The following ING2 variants were observed in gnomAD, a reference collection of about 807,000 sequenced individuals.
ING2 encodes the protein inhibitor of growth family member 2.
Under a neutral mutation model 30.6 loss-of-function variants are expected in ING2, and 7 were observed. The ratio of observed to expected loss-of-function variants is 0.23; its 90% CI spans 0.13 to 0.43. The LOEUF (loss-of-function observed/expected upper bound fraction) is 0.43. Ranked by LOEUF, ING2 falls within the 20% of genes least tolerant of loss-of-function variation. ING2 has a pLI of 1.00. For synonymous variants in ING2, 136 were observed against 121.7 expected (o/e 1.12, Z -0.78); for missense variants, 239 against 334.9 (o/e 0.71, Z 2.24).
In ING2 at chr4:183,511,108, A is replaced by T; in HGVS notation, c.*156A>T. ...GTTGTTGTACTTTGTCTGTGACCTT[A>T]ATTTTCTGCACTGAGTTACCAAATA... On this transcript the variant is annotated 3_prime_UTR_variant, in exon 2 of 2. Transcript: ENST00000302327. 6.7e-6 allele frequency: 4 copies of T among 598,992 alleles called. No individual in the cohort carries two copies. The South Asian group carries it at 1.1e-4, about 16-fold the overall frequency. 37.1% of individuals were successfully genotyped at this position (598,992 alleles called of 1,614,324 possible).
chr4:183,510,588 G>A lies in ING2; in HGVS notation c.479G>A (p.Ser160Asn), dbSNP rs893056149. The change falls in exon 2 of 2, where the codon AGC becomes AAC. Residue 160 changes from serine to asparagine, a missense_variant. Coordinates refer to ENST00000302327, the MANE Select transcript of ING2 (RefSeq NM_001564.4). ...RRPRRQRTSE[S>N]RDLCHMANGI... Reference sequence around the variant, plus strand: ...CCCCGCAGGCAGCGGACCAGTGAAAGCCGTGATTTATGTCACATGGCAAAT... The same window carrying A: ...CCCCGCAGGCAGCGGACCAGTGAAAACCGTGATTTATGTCACATGGCAAAT... 26 of 1,613,956 alleles carry A rather than the reference G, an allele frequency of 1.6e-5. No individual in the cohort carries two copies. The highest frequency in any genetic ancestry group is 5.0e-5 in the Admixed American group (3 of 60,002).
intron 1 of ING2, among the ~76,000 whole-genome samples, chr4:183,508,944 C>G (rs911529811): frequency 6.6e-6 from 1 of 152,122 alleles, no homozygotes; most frequent in Admixed American, 6.5e-5. Context: ...ACAACTAAAT[C>G]AGCAGTTCAG....
intron 1 of ING2, among the ~76,000 whole-genome samples, chr4:183,509,857 C>G (rs896908161): frequency 6.6e-6 from 1 of 151,588 alleles, no homozygotes; most frequent in African/African-American, 2.4e-5. Context: ...CTCAGCCTCC[C>G]AAGTAGCTGA....
chr4:183,506,214 A>G (rs2111084900), intron 1 of ING2: 2 of 1,303,750 alleles, frequency 1.5e-6, no homozygotes, highest in Non-Finnish European at 2.0e-6. Context: ...CGGAGTCCGA[A>G]TCGGGGTTTG....
chr4:183,510,629 G>A lies in ING2; in HGVS notation c.520G>A (p.Asp174Asn), dbSNP rs748803975. 6.2e-7 allele frequency: 1 copy of A among 1,614,136 alleles called. No individual in the cohort carries two copies. Among genetic ancestry groups the A allele is most frequent in the Non-Finnish European group, 8.5e-7 (1 of 1,180,016 alleles). ...CATGGCAAATGGGATTGAAGACTGT[G>A]ATGATCAGCCACCTAAAGAAAAGAA... ...CHMANGIEDC[D>N]DQPPKEKKSK... is the part of the protein sequence containing the mutation. The change falls in exon 2 of 2, where the codon GAT (aspartate) becomes AAT (asparagine). Residue 174 changes from aspartate to asparagine, a missense_variant. Physicochemically the swap from Asp to Asn is conservative, Grantham distance 23. This residue lies in a region of ING2 where 115 missense variants were observed against 120.1 expected (regional missense o/e 0.96). Transcript: ENST00000302327.
chr4:183,509,343 G>A (rs570011436), intron 1 of ING2, among the ~76,000 whole-genome samples: 1 of 152,144 alleles, frequency 6.6e-6, no homozygotes, highest in Non-Finnish European at 1.5e-5. Context: ...TTTATATATA[G>A]GGTTGTTTTG....
chr4:183,505,136 C>G lies in ING2; in HGVS notation c.-60C>G. On this transcript the variant is annotated 5_prime_UTR_variant, in exon 1 of 2. Coordinates refer to ENST00000302327, the MANE Select transcript of ING2 (RefSeq NM_001564.4). ...CTGAGCTGAGGGCCCGCGGCGGCCG[C>G]GGCCGGTGCATGTGCGGCTGCTGGA... 6.7e-7 allele frequency: 1 copy of G among 1,484,578 alleles called. No individual in the cohort carries two copies. 92.0% of individuals were successfully genotyped at this position (1,484,578 alleles called of 1,614,324 possible). A position where few individuals can be genotyped will look rare whatever the true frequency, so the allele number is the denominator to read the frequency against.
chr4:183,505,377 G>A lies in ING2; in HGVS notation c.172+10G>A, dbSNP rs1734609932. On this transcript the variant is annotated intron_variant, in intron 1 of 1. Coordinates refer to ENST00000302327, the MANE Select transcript of ING2 (RefSeq NM_001564.4). ...GACAACAAATATCAAGGTAGGAGCC[G>A]CGGGGCTGCCGGCCTCGGGAGCCGG... The A allele has an allele frequency of 4.6e-6, 7 of 1,518,466 alleles. No homozygotes were observed. In the African/African-American group the frequency reaches 8.5e-5, roughly 18 times the overall value. 94.1% of individuals were successfully genotyped at this position (1,518,466 alleles called of 1,614,324 possible).
In ING2 at chr4:183,505,369, TA is replaced by T. The variant is rs750041352; in HGVS notation, c.172+3del. 13 of 1,530,914 alleles carry T rather than the reference TA, an allele frequency of 8.5e-6. No homozygotes were observed. The highest frequency in any genetic ancestry group is 1.1e-5 in the Non-Finnish European group (12 of 1,137,518). 94.8% of individuals were successfully genotyped at this position (1,530,914 alleles called of 1,614,324 possible). Reference sequence around the variant, plus strand: ...GAGAGCTGGACAACAAATATCAAGGTAGGAGCCGCGGGGCTGCCGGCCTCGG... The same window carrying T: ...GAGAGCTGGACAACAAATATCAAGGTGGAGCCGCGGGGCTGCCGGCCTCGG... On this transcript the variant is annotated splice_donor_region_variant and intron_variant, in intron 1 of 1. Transcript: ENST00000302327.
chr4:183,511,106 T>C lies in ING2; in HGVS notation c.*154T>C. On this transcript the variant is annotated 3_prime_UTR_variant, in exon 2 of 2. Coordinates refer to ENST00000302327, the MANE Select transcript of ING2 (RefSeq NM_001564.4). ...AAGTTGTTGTACTTTGTCTGTGACC[T>C]TAATTTTCTGCACTGAGTTACCAAA... The C allele has an allele frequency of 1.6e-6, 1 of 615,570 alleles. No homozygotes were observed. Among genetic ancestry groups the C allele is most frequent in the Non-Finnish European group, 2.6e-6 (1 of 377,868 alleles). The allele number at this position is 615,570 out of a possible 1,614,324, so 38.1% of individuals were successfully genotyped here. A position where few individuals can be genotyped will look rare whatever the true frequency, so the allele number is the denominator to read the frequency against.
In ING2 at chr4:183,505,090, G is replaced by A. The variant is rs1734600198; in HGVS notation, c.-106G>A. On this transcript the variant is annotated 5_prime_UTR_variant, in exon 1 of 2. Coordinates refer to ENST00000302327, the MANE Select transcript of ING2 (RefSeq NM_001564.4). ...GCCGTGCCCTCTCGAGCGGCTGCGG[G>A]GTCCCCGCGGCGCCGGGCTGCTGAG... is the stretch of plus-strand genomic sequence containing the variant. 8.8e-7 allele frequency: 1 copy of A among 1,136,602 alleles called. No homozygotes were observed. The highest frequency in any genetic ancestry group is 3.4e-5 in the East Asian group (1 of 29,028). 70.4% of individuals were successfully genotyped at this position (1,136,602 alleles called of 1,614,324 possible).
In ING2 at chr4:183,511,393, C is replaced by T. The variant is rs1734818097; in HGVS notation, c.*441C>T. Among the ~76,000 whole-genome samples the T allele has an allele frequency of 6.6e-6, 1 of 152,206 alleles. No individual in the cohort carries two copies. Reference sequence around the variant, plus strand: ...AAATACAGACACTATGCCATTTGAGCTGCTTTTTCCCTAGTCCTATTTATA... The same window carrying T: ...AAATACAGACACTATGCCATTTGAGTTGCTTTTTCCCTAGTCCTATTTATA... On this transcript the variant is annotated 3_prime_UTR_variant, in exon 2 of 2. Transcript: ENST00000302327.
chr4:183,506,686 G>A (rs72689382), intron 1 of ING2, among the ~76,000 whole-genome samples: 4,629 of 152,108 alleles, frequency 0.03, 138 homozygotes, highest in East Asian at 0.16. Flanking sequence ...AAGTCTCTAA[G>A]GAATCCACTT....
chr4:183,508,445 A>G (rs1052226936), intron 1 of ING2, among the ~76,000 whole-genome samples: 8 of 152,104 alleles, frequency 5.3e-5, no homozygotes, highest in African/African-American at 1.9e-4. Flanking sequence ...AAATCTGCTT[A>G]GATGCCGAGC....
intron 1 of ING2, among the ~76,000 whole-genome samples, chr4:183,507,631 C>T (rs952219582): frequency 2.0e-5 from 3 of 152,194 alleles, no homozygotes; most frequent in African/African-American, 7.2e-5. Flanking sequence ...TGATTAAAAA[C>T]TCATCTAGTT....
rs56010770 is a variant in ING2 at position 183,511,742 on chromosome 4, A to G, written c.*790A>G. ...TAGTATCACGGCTCAAGGTTGAACA[A>G]TTTAAAAATACATCTTAATTAATAG... On this transcript the variant is annotated 3_prime_UTR_variant, in exon 2 of 2. Transcript: ENST00000302327. Among the ~76,000 whole-genome samples, 15,046 of 152,268 alleles carry G rather than the reference A, an allele frequency of 0.099. 909 individuals carry two copies. Among genetic ancestry groups the G allele is most frequent in the East Asian group, 0.17 (901 of 5,176 alleles).
At chr4:183,509,221 T>A (rs556313613) in intron 1 of ING2, among the ~76,000 whole-genome samples, 6 of 152,344 alleles carry the variant, frequency 3.9e-5, no homozygotes, top group African/African-American at 1.4e-4. Context: ...TCACAAGTCA[T>A]TGTCACAAGT....
At position 183,510,355 on chromosome 4, in the gene ING2, A is replaced by G. The variant is rs750698795; in HGVS notation, c.246A>G (p.Leu82=). The change falls in exon 2 of 2, where the codon CTA becomes CTG. Residue 82 remains leucine, a synonymous_variant. Coordinates refer to ENST00000302327, the MANE Select transcript of ING2 (RefSeq NM_001564.4). ...ATGATTTAAACCAGAAGAAACGTCT[A>G]CAGCAGCTTCTCCAGAGAGCACTAA... ...KEDDLNQKKR[L]QQLLQRALIN... is the part of the protein sequence containing the mutation. 6 of 1,614,008 alleles carry G rather than the reference A, an allele frequency of 3.7e-6. No individual in the cohort carries two copies. Among genetic ancestry groups the G allele is most frequent in the South Asian group, 3.3e-5 (3 of 91,052 alleles).
intron 1 of ING2, among the ~76,000 whole-genome samples, chr4:183,508,574 C>T (rs1435619508): frequency 6.6e-6 from 1 of 152,152 alleles, no homozygotes; most frequent in African/African-American, 2.4e-5. Context: ...ACATCAAGTA[C>T]GAGTACCTGC....
Sources: gnomAD v4.1 joint callset for allele counts (sites outside exome capture counted in the v4.1 genomes callset) on GRCh38, gnomAD v4.1.1 for gene constraint, gnomAD v4.1.1 regional missense constraint, MANE v1.5 for transcripts, NCBI Gene and HGNC (gene_info 2026-07-23, HGNC 2026-07-21) for gene names.